The following ACTR3 variants were observed in gnomAD, a reference collection of about 807,000 sequenced individuals.
The protein encoded by ACTR3 is actin related protein 3, also known as actin-related protein 3.
Under a neutral mutation model 56.8 loss-of-function variants are expected in ACTR3, and 12 were observed. That is an observed-to-expected ratio of 0.21 (90% CI 0.14 to 0.34). The LOEUF is 0.34. ACTR3 is among the 10% of genes least tolerant of loss of function. The pLI is 1.00. For synonymous variants in ACTR3, 162 were observed against 167.4 expected (o/e 0.97, Z 0.25); for missense variants, 282 against 512.5 (o/e 0.55, Z 4.34).
At chr2:113,942,926 ATAT>A (rs1306108186) in intron 8 of ACTR3, among the ~76,000 whole-genome samples, 1 of 152,188 alleles carries the variant, frequency 6.6e-6, no homozygotes, top group East Asian at 1.9e-4. Context: ...AGAATTACTA[ATAT>A]TACGTACTTA....
intron 10 of ACTR3, chr2:113,954,760 T>A (rs981492375): frequency 6.6e-6 from 1 of 152,098 alleles, no homozygotes; most frequent in East Asian, 1.9e-4. Context: ...TTTTTTCTCC[T>A]TTTCTTTCTT....
rs1031887239 is a variant in ACTR3 at position 113,890,432 on chromosome 2, TGTCA to T, written c.44+113_44+116del. The T allele has an allele frequency of 2.4e-5, 32 of 1,340,138 alleles. No homozygotes were observed. In the Admixed American group the frequency reaches 4.4e-4, roughly 18 times the overall value. The allele number at this position is 1,340,138 out of a possible 1,614,324, so 83.0% of individuals were successfully genotyped here. ...GGTGCGGCGAGGTGCCGCCGCCGGC[TGTCA>T]GTCCTAGACCCGCCGGCCAGCGAGG... On this transcript the variant is annotated intron_variant, in intron 1 of 11. Coordinates refer to ENST00000263238, the MANE Select transcript of ACTR3 (RefSeq NM_005721.5).
At chr2:113,925,194 C>CCT (rs1559473847) in intron 3 of ACTR3, among the ~76,000 whole-genome samples, 8 of 105,196 alleles carry the variant, frequency 7.6e-5, no homozygotes, top group Non-Finnish European at 1.2e-4. Flanking sequence ...ATCGTGCCAC[C>CCT]TTTTTTTTTT....
chr2:113,942,444 CTT>C, intron 8 of ACTR3, 85 bp downstream of exon 8: 2 of 880,768 alleles, frequency 2.3e-6, no homozygotes, highest in South Asian at 8.0e-5. Context: ...ATCTCAGAAA[CTT>C]TTATTAGTAC....
chr2:113,889,995 A>C, upstream of ACTR3: 4 of 521,160 alleles, frequency 7.7e-6, no homozygotes, highest in East Asian at 3.6e-5. Flanking sequence ...CGTGAGGGGA[A>C]GAAGTTGTAG....
In ACTR3 at chr2:113,890,301, T is replaced by A. The variant is rs1466113691; in HGVS notation, c.22T>A (p.Cys8Ser). The A allele has an allele frequency of 7.1e-7, 1 of 1,416,604 alleles. No homozygotes were observed. The highest frequency in any genetic ancestry group is 9.3e-7 in the Non-Finnish European group (1 of 1,070,236). The allele number at this position is 1,416,604 out of a possible 1,614,324, so 87.8% of individuals were successfully genotyped here. A position where few individuals can be genotyped will look rare whatever the true frequency, so the allele number is the denominator to read the frequency against. Reference sequence around the variant, plus strand: ...GAAGATGGCGGGACGGCTGCCGGCCTGTGTGGTGGACTGTGGCACGGGGTA... The same window carrying A: ...GAAGATGGCGGGACGGCTGCCGGCCAGTGTGGTGGACTGTGGCACGGGGTA... The part of the protein sequence containing the change: MAGRLPA[C>S]VVDCGTGYTK... The change falls in exon 1 of 12, where the codon TGT becomes AGT. Residue 8 changes from cysteine to serine, a missense_variant. By Grantham distance (112) the Cys-to-Ser change is moderately radical (BLOSUM62 -1). Transcript: ENST00000263238.
intron 8 of ACTR3, among the ~76,000 whole-genome samples, chr2:113,946,804 C>T (rs1442008188): frequency 2.0e-5 from 3 of 152,158 alleles, no homozygotes; most frequent in Non-Finnish European, 4.4e-5. Flanking sequence ...TTTGTTTGTA[C>T]AGTCATTTAT....
chr2:113,946,514 T>A (rs1288822642), intron 8 of ACTR3, among the ~76,000 whole-genome samples: 2 of 152,142 alleles, frequency 1.3e-5, no homozygotes, highest in East Asian at 1.9e-4. Flanking sequence ...TGTCTTCTTT[T>A]GAAAATTGTT....
upstream of ACTR3, chr2:113,890,017 G>C (rs1342174748): frequency 1.7e-6 from 1 of 577,264 alleles, no homozygotes; most frequent in Non-Finnish European, 3.1e-6. Context: ...GTGGGGGCAG[G>C]AGTGAGGAGG....
In ACTR3 at chr2:113,913,797, G is replaced by C. The variant is rs189764265; in HGVS notation, c.100+570G>C. Among the ~76,000 whole-genome samples, 3 of 152,278 alleles carry C rather than the reference G, an allele frequency of 2.0e-5. No homozygotes were observed. The East Asian group carries it at 5.8e-4, about 29-fold the overall frequency. On this transcript the variant is annotated intron_variant, in intron 2 of 11. Coordinates refer to ENST00000263238, the MANE Select transcript of ACTR3 (RefSeq NM_005721.5). ...TATTTTTGTTAATCTTGCTTAAGCTGACCATTAACTTTCAGTAGTTTTTAA... is the reference window on the plus strand; with the variant it reads ...TATTTTTGTTAATCTTGCTTAAGCTCACCATTAACTTTCAGTAGTTTTTAA...
At chr2:113,928,757 T>C (rs1679663617) in intron 4 of ACTR3, among the ~76,000 whole-genome samples, 1 of 152,174 alleles carries the variant, frequency 6.6e-6, no homozygotes, top group African/African-American at 2.4e-5. Context: ...GCAGGATGCA[T>C]GATGTGATTT....
intron 3 of ACTR3, among the ~76,000 whole-genome samples, chr2:113,922,789 T>C (rs1258872053): frequency 2.6e-5 from 4 of 152,200 alleles, no homozygotes; most frequent in Admixed American, 1.3e-4. Flanking sequence ...AAATCTAGAC[T>C]GTGTATATTG....
At chr2:113,946,012 T>C (rs1574381159) in intron 8 of ACTR3, among the ~76,000 whole-genome samples, 1 of 152,360 alleles carries the variant, frequency 6.6e-6, no homozygotes, top group East Asian at 1.9e-4. Context: ...CCATGGTGTA[T>C]ATGTACCACA....
chr2:113,919,294 G>A (rs1023163239), intron 3 of ACTR3, among the ~76,000 whole-genome samples: 4 of 152,114 alleles, frequency 2.6e-5, no homozygotes, highest in African/African-American at 9.7e-5. Flanking sequence ...ACATTAAAAT[G>A]TGGTCTACTC....
At chr2:113,946,017 A>G (rs1435182946) in intron 8 of ACTR3, among the ~76,000 whole-genome samples, 3 of 152,142 alleles carry the variant, frequency 2.0e-5, no homozygotes, top group Admixed American at 6.5e-5. Context: ...GTGTATATGT[A>G]CCACATTTTC....
chr2:113,896,791 C>T (rs947352665), intron 1 of ACTR3, among the ~76,000 whole-genome samples: 1 of 152,176 alleles, frequency 6.6e-6, no homozygotes, highest in African/African-American at 2.4e-5. Flanking sequence ...GGTAATTGAT[C>T]GCTATGCTGA....
chr2:113,956,129 T>C (rs1468502221), intron 11 of ACTR3, among the ~76,000 whole-genome samples: 1 of 151,962 alleles, frequency 6.6e-6, no homozygotes, highest in African/African-American at 2.4e-5. Flanking sequence ...TGGGCTCAAG[T>C]GATCCTTCCA....
intron 1 of ACTR3, among the ~76,000 whole-genome samples, chr2:113,903,390 T>C (rs1471018808): frequency 6.6e-6 from 1 of 152,098 alleles, no homozygotes; most frequent in Non-Finnish European, 1.5e-5. Flanking sequence ...TTTCTGAGAC[T>C]GAGTCTTGCT....
intron 1 of ACTR3, among the ~76,000 whole-genome samples, chr2:113,912,313 C>T (rs1679322667): frequency 6.6e-6 from 1 of 152,092 alleles, no homozygotes; most frequent in Non-Finnish European, 1.5e-5. Flanking sequence ...GTTACATTCT[C>T]TTTAAAGCCT....
Sources: allele counts gnomAD v4.1 joint callset (sites outside exome capture counted in the v4.1 genomes callset), GRCh38; gene constraint gnomAD v4.1.1; transcripts MANE v1.5; gene names NCBI Gene and HGNC (gene_info 2026-07-23, HGNC 2026-07-21).